Variants in USP53 observed in about 807,000 individuals in gnomAD.
The protein encoded by USP53 is ubiquitin specific peptidase 53, also known as ubiquitin carboxyl-terminal hydrolase 53.
USP53 carries 71 observed loss-of-function variants against 94.9 expected under a neutral mutation model. The observed-to-expected ratio is 0.75, with a 90% confidence interval of 0.62 to 0.91. The LOEUF (loss-of-function observed/expected upper bound fraction) is 0.91. Ranked by LOEUF, USP53 falls within the 40% of genes least tolerant of loss-of-function variation. USP53 has a pLI of 0.00. For synonymous variants in USP53, 375 were observed against 422.7 expected (o/e 0.89, Z 1.39); for missense variants, 1,173 against 1,281.0 (o/e 0.92, Z 1.29).
At chr4:119,288,484 C>A (rs908080888) in intron 17 of USP53, among the ~76,000 whole-genome samples, 1 of 152,198 alleles carries the variant, frequency 6.6e-6, no homozygotes, top group Non-Finnish European at 1.5e-5. Flanking sequence ...TTTGACACTA[C>A]ACCAAGTAGT....
intron 17 of USP53, among the ~76,000 whole-genome samples, chr4:119,279,185 TAG>T (rs1269749490): frequency 7.1e-6 from 1 of 141,252 alleles, no homozygotes; most frequent in Non-Finnish European, 1.5e-5. Context: ...CTCTGCGTTT[TAG>T]AGTTTCCAGT....
intron 5 of USP53, among the ~76,000 whole-genome samples, chr4:119,243,138 A>T (rs944229685): frequency 5.9e-5 from 9 of 152,218 alleles, no homozygotes; most frequent in Non-Finnish European, 1.2e-4. Flanking sequence ...CTAGAAACTA[A>T]TTAGTTCAAT....
Position 119,295,302 on chromosome 4 carries a change from T to C in USP53, c.*2091T>C, listed in dbSNP as rs1056362658. The C allele has an allele frequency of 1.3e-5, 2 of 152,170 alleles. No individual in the cohort carries two copies. The highest frequency in any genetic ancestry group is 4.8e-5 in the African/African-American group (2 of 41,448). The allele number at this position is 152,170 out of a possible 1,614,324, so 9.4% of individuals were successfully genotyped here. ...CTCCAGATACAGATTGATACATATA[T>C]ACTAATCATTTTATTTCATGTAAAA... On this transcript the variant is annotated 3_prime_UTR_variant, in exon 19 of 19. Transcript: ENST00000692078.
rs2149408667 is a variant in USP53, at chr4:119,268,340, G to A, written c.1208G>A (p.Arg403Lys). 6.2e-7 allele frequency: 1 copy of A among 1,613,960 alleles called. No homozygotes were observed. ...GGATTTGGTGATCAGGCAAAGCAGA[G>A]AGAAAATCAGAAATTTCCAACTGAT... is the stretch of plus-strand genomic sequence containing the variant. ...ENGFGDQAKQ[R>K]ENQKFPTDNI... The change falls in exon 14 of 19, where the codon AGA becomes AAA. Residue 403 changes from arginine (R) to lysine (K), a missense_variant. Physicochemically the swap from Arg to Lys is conservative, Grantham distance 26. Transcript: ENST00000692078.
At chr4:119,234,272 G>T (rs930563914) in intron 3 of USP53, among the ~76,000 whole-genome samples, 1 of 152,138 alleles carries the variant, frequency 6.6e-6, no homozygotes, top group Non-Finnish European at 1.5e-5. Flanking sequence ...GTAGCATTTG[G>T]CCTGCTCCAT....
At chr4:119,254,816 A>T (rs2149368598) in intron 7 of USP53, among the ~76,000 whole-genome samples, 1 of 151,842 alleles carries the variant, frequency 6.6e-6, no homozygotes, top group East Asian at 1.9e-4. Flanking sequence ...GGTTTTTGTA[A>T]TTTTCAGCCT....
chr4:119,258,013 A>G (rs1749999400), intron 9 of USP53, among the ~76,000 whole-genome samples: 1 of 152,204 alleles, frequency 6.6e-6, no homozygotes, highest in Non-Finnish European at 1.5e-5. Flanking sequence ...TTGAATTCTA[A>G]TTATAATATC....
At chr4:119,248,909 A>C (rs375558731) in intron 7 of USP53, 27 bp downstream of exon 7, 1 of 1,612,592 alleles carries the variant, frequency 6.2e-7, no homozygotes, top group African/African-American at 1.3e-5. Context: ...TTCCTTAAGA[A>C]GTCAGGATAG....
chr4:119,234,436 A>G (rs904128692), intron 3 of USP53, among the ~76,000 whole-genome samples: 11 of 152,206 alleles, frequency 7.2e-5, no homozygotes, highest in Non-Finnish European at 1.5e-4. Context: ...CTGGAATGGA[A>G]GCCATAATAT....
chr4:119,280,363 T>G (rs930683835), intron 17 of USP53, among the ~76,000 whole-genome samples: 2 of 152,180 alleles, frequency 1.3e-5, no homozygotes, highest in East Asian at 1.9e-4. Flanking sequence ...GGTGGCTTGT[T>G]AACACTTTAC....
intron 5 of USP53, 124 bp from the exon 6 acceptor site, chr4:119,245,213 T>C (rs1443808386): frequency 1.1e-5 from 8 of 753,688 alleles, no homozygotes; most frequent in Non-Finnish European, 1.8e-5. Flanking sequence ...TCTGATTATG[T>C]ACAGGCAATT....
chr4:119,224,204 T>C (rs1164419518), intron 3 of USP53, among the ~76,000 whole-genome samples: 1 of 152,176 alleles, frequency 6.6e-6, no homozygotes, highest in African/African-American at 2.4e-5. Flanking sequence ...TTCACCATTT[T>C]GGCCAGGCTG....
In USP53 at chr4:119,292,621, C is replaced by T. The variant is rs1031388695; in HGVS notation, c.2632C>T (p.Pro878Ser). The change falls in exon 19 of 19, where the codon CCT (proline) becomes TCT (serine). Residue 878 changes from proline to serine, a missense_variant. Physicochemically the swap from Pro to Ser is moderately conservative, Grantham distance 74. Coordinates refer to ENST00000692078, the MANE Select transcript of USP53 (RefSeq NM_001371395.1). ...TGTTGGGTTAAAGCCAGAAACTGCT[C>T]CTCTCATCCAGCAACAAAATATCAT... ...RTVGLKPETA[P>S]LIQQQNIMDQ... 1.9e-6 allele frequency: 3 copies of T among 1,613,956 alleles called. No individual in the cohort carries two copies. The highest frequency in any genetic ancestry group is 1.3e-5 in the African/African-American group (1 of 74,916).
chr4:119,245,528 C>A, intron 6 of USP53, 99 bp downstream of exon 6: 1 of 958,172 alleles, frequency 1.0e-6, no homozygotes, highest in Non-Finnish European at 1.6e-6. Flanking sequence ...AGTTCACTGT[C>A]AGGTGATTAA....
intron 12 of USP53, among the ~76,000 whole-genome samples, chr4:119,265,472 C>T (rs1263786831): frequency 6.6e-6 from 1 of 152,078 alleles, no homozygotes; most frequent in East Asian, 1.9e-4. Context: ...ATTGACTCCT[C>T]AAAGCCTGGC....
chr4:119,291,045 G>T (rs982429580), intron 17 of USP53, 120 bp from the exon 18 acceptor site: 11 of 508,268 alleles, frequency 2.2e-5, no homozygotes, highest in Non-Finnish European at 3.7e-5. Context: ...AATTGGAAGA[G>T]ATTACCTTTT....
chr4:119,283,075 G>A (rs1753690259), intron 17 of USP53, among the ~76,000 whole-genome samples: 1 of 151,728 alleles, frequency 6.6e-6, no homozygotes, highest in Non-Finnish European at 1.5e-5. Context: ...GTCTGCCTAT[G>A]TCATGATGAA....
intron 12 of USP53, among the ~76,000 whole-genome samples, chr4:119,264,975 A>G (rs1346771017): frequency 6.6e-6 from 1 of 152,216 alleles, no homozygotes; most frequent in Admixed American, 6.5e-5. Flanking sequence ...GAAGGACTGA[A>G]CTATTGAACT....
chr4:119,247,078 C>A (rs4834765), intron 6 of USP53, among the ~76,000 whole-genome samples: 115,178 of 151,898 alleles, frequency 0.76, 43,678 homozygotes, highest in Non-Finnish European at 0.78. Context: ...ATTGTTAGGA[C>A]ATGAAGAATG....
Sources: allele counts gnomAD v4.1 joint callset (sites outside exome capture counted in the v4.1 genomes callset), GRCh38; gene constraint gnomAD v4.1.1; transcripts MANE v1.5; gene names NCBI Gene and HGNC (gene_info 2026-07-23, HGNC 2026-07-21).